COTL1: variants seen among roughly 807,000 people sequenced by gnomAD.
The protein encoded by COTL1 is coactosin like F-actin binding protein 1, also known as coactosin-like protein.
COTL1 carries 15 observed loss-of-function variants against 16.5 expected under a neutral mutation model. That is an observed-to-expected ratio of 0.91 (90% CI 0.61 to 1.40). The LOEUF (loss-of-function observed/expected upper bound fraction) is 1.40. Among genes scored for constraint, COTL1 ranks in the 40% most tolerant of loss-of-function variants. The probability of loss-of-function intolerance (pLI) is 0.00; values close to 1 mark genes in which losing one functional copy is unlikely to be tolerated. For synonymous variants in COTL1, 112 were observed against 85.3 expected (o/e 1.31, Z -1.73); for missense variants, 220 against 201.5 (o/e 1.09, Z -0.56).
chr16:84,578,712 C>G (rs1412388189), intron 3 of COTL1, among the ~76,000 whole-genome samples: 7 of 152,002 alleles, frequency 4.6e-5, no homozygotes, highest in African/African-American at 1.7e-4. Flanking sequence ...CACAGGTGCA[C>G]ACACACAGGC....
intron 2 of COTL1, among the ~76,000 whole-genome samples, chr16:84,608,280 G>A (rs550737493): frequency 2.0e-5 from 3 of 152,132 alleles, no homozygotes; most frequent in African/African-American, 7.2e-5. Context: ...ATATTTTCAA[G>A]GGACAAAAAC....
chr16:84,590,253 CG>C lies in COTL1; in HGVS notation c.169del (p.Arg57GlyfsTer14). The C allele has an allele frequency of 6.2e-7, 1 of 1,613,856 alleles. No homozygotes were observed. The highest frequency in any genetic ancestry group is 8.5e-7 in the Non-Finnish European group (1 of 1,179,776). ...HFIQQCTDDV[R>X]LFAFVRFTTG... ...GGTGAAGCGCACGAAGGCAAACAACCGGACGTCATCTGTGGCCAAAAGCGAA... is the reference window on the plus strand; with the variant it reads ...GGTGAAGCGCACGAAGGCAAACAACCGACGTCATCTGTGGCCAAAAGCGAA... On this transcript the variant is annotated frameshift_variant, in exon 3 of 4. Transcript: ENST00000262428. LOFTEE classifies it high-confidence loss of function. This position sits in a 1 kb window ranked among gnomAD's most constrained non-coding sequence, Gnocchi z 5.5.
intron 3 of COTL1, among the ~76,000 whole-genome samples, chr16:84,587,214 A>G (rs1017330119): frequency 6.6e-5 from 10 of 152,346 alleles, no homozygotes; most frequent in Admixed American, 5.2e-4. Flanking sequence ...CAGGCCAGAC[A>G]GGGTGCAGAC....
chr16:84,588,818 G>T (rs958348807), intron 3 of COTL1, among the ~76,000 whole-genome samples: 1 of 151,978 alleles, frequency 6.6e-6, no homozygotes, highest in African/African-American at 2.4e-5. Context: ...TGCTCAGCCC[G>T]TTTTTGTTTT....
At chr16:84,579,841 C>T (rs1904540164) in intron 3 of COTL1, among the ~76,000 whole-genome samples, 1 of 152,248 alleles carries the variant, frequency 6.6e-6, no homozygotes, top group Admixed American at 6.5e-5. Flanking sequence ...GAAAGACACT[C>T]ATACACAGGG....
intron 2 of COTL1, among the ~76,000 whole-genome samples, chr16:84,615,128 G>T (rs193013454): frequency 2.2e-4 from 34 of 152,344 alleles, no homozygotes; most frequent in African/African-American, 7.9e-4. Flanking sequence ...ACGACGACAG[G>T]AAGGAACAAG....
chr16:84,617,825 G>T lies in COTL1; in HGVS notation c.77+13C>A, dbSNP rs1905538603. 2 of 1,568,918 alleles carry T rather than the reference G, an allele frequency of 1.3e-6. No homozygotes were observed. The highest frequency in any genetic ancestry group is 1.7e-6 in the Non-Finnish European group (2 of 1,157,256). The stretch of plus-strand genomic sequence containing the variant: ...CGGGGAGCGGGGCGTGGAGACGAAT[G>T]AAAAGTTCCTACCAGATGACGGCCG... On this transcript the variant is annotated intron_variant, in intron 1 of 3. Coordinates refer to ENST00000262428, the MANE Select transcript of COTL1 (RefSeq NM_021149.5).
chr16:84,580,802 T>G (rs1904570994), intron 3 of COTL1, among the ~76,000 whole-genome samples: 1 of 152,216 alleles, frequency 6.6e-6, no homozygotes, highest in Non-Finnish European at 1.5e-5. Context: ...ATTCACAGGC[T>G]GCATGGGAGC....
chr16:84,608,405 A>G (rs1038056493), intron 2 of COTL1, among the ~76,000 whole-genome samples: 6 of 152,320 alleles, frequency 3.9e-5, no homozygotes, highest in Admixed American at 2.6e-4. Context: ...CACAGCCACA[A>G]ACAGAAAAGA....
intron 2 of COTL1, chr16:84,595,782 T>C (rs1344376146): frequency 6.6e-6 from 1 of 152,216 alleles, no homozygotes; most frequent in African/African-American, 2.4e-5. Flanking sequence ...GTATAATATG[T>C]GTCTATATGT....
chr16:84,615,293 C>G (rs1006011665), intron 2 of COTL1, among the ~76,000 whole-genome samples: 1 of 152,228 alleles, frequency 6.6e-6, no homozygotes, highest in African/African-American at 2.4e-5. Flanking sequence ...AGCTTCCTCG[C>G]CAGACACGCG....
intron 3 of COTL1, among the ~76,000 whole-genome samples, chr16:84,577,815 G>T (rs1280509002): frequency 6.6e-6 from 1 of 152,108 alleles, no homozygotes; most frequent in Non-Finnish European, 1.5e-5. Flanking sequence ...CTAGAAGCAC[G>T]CTGTGAGTGT....
intron 3 of COTL1, chr16:84,575,877 T>A (rs2150681633): frequency 6.6e-6 from 1 of 152,278 alleles, no homozygotes; most frequent in Non-Finnish European, 1.5e-5. Context: ...CGTATGAGCA[T>A]AAAAGGGGCT....
chr16:84,609,365 G>T (rs1905274116), intron 2 of COTL1, among the ~76,000 whole-genome samples: 1 of 152,194 alleles, frequency 6.6e-6, no homozygotes, highest in Non-Finnish European at 1.5e-5. Context: ...CCTCCAAGAG[G>T]CATCCCCTAG....
chr16:84,616,406 G>A (rs950050456), intron 2 of COTL1: 6 of 152,208 alleles, frequency 3.9e-5, no homozygotes, highest in African/African-American at 1.4e-4. Context: ...AGGAGGCTGA[G>A]GCAGGAGAAT....
At chr16:84,610,656 G>A (rs558184952) in intron 2 of COTL1, among the ~76,000 whole-genome samples, 1 of 152,246 alleles carries the variant, frequency 6.6e-6, no homozygotes, top group Admixed American at 6.5e-5. Context: ...ACTCTCACAG[G>A]AACTACATTG....
Position 84,590,924 on chromosome 16 carries a change from C to T in COTL1, c.161-662G>A, listed in dbSNP as rs993451087. ...GGGATATGGCTCCGAGGATATTTCA[C>T]TTATGACTAGGGCAATTAGGTCAAC... On this transcript the variant is annotated intron_variant, in intron 2 of 3. Transcript: ENST00000262428. This position sits in a 1 kb window ranked among gnomAD's most constrained non-coding sequence, Gnocchi z 5.5. Among the ~76,000 whole-genome samples, 1 of 152,152 alleles carries T rather than the reference C, an allele frequency of 6.6e-6. No individual in the cohort carries two copies. The highest frequency in any genetic ancestry group is 1.5e-5 in the Non-Finnish European group (1 of 68,024).
intron 2 of COTL1, among the ~76,000 whole-genome samples, chr16:84,604,319 C>T (rs114922627): frequency 0.011 from 1,491 of 130,246 alleles, 64 homozygotes; most frequent in African/African-American, 0.044. Flanking sequence ...ACCCACGCTC[C>T]CCTCCCACGG....
At chr16:84,573,721 CAA>C (rs1904384310) in intron 3 of COTL1, among the ~76,000 whole-genome samples, 6 of 140,692 alleles carry the variant, frequency 4.3e-5, no homozygotes, top group African/African-American at 1.6e-4. Context: ...GCCTGGGTGA[CAA>C]GAGCGAAACT....
Sources: gnomAD v4.1 joint callset for allele counts (sites outside exome capture counted in the v4.1 genomes callset) on GRCh38, gnomAD v4.1.1 for gene constraint, Gnocchi (gnomAD v3.1) non-coding constraint, MANE v1.5 for transcripts, NCBI Gene and HGNC (gene_info 2026-07-23, HGNC 2026-07-21) for gene names.